DARS1: variants seen among roughly 807,000 people sequenced by gnomAD.
DARS1 encodes the protein aspartate--tRNA ligase, cytoplasmic.
DARS1 carries 51 observed loss-of-function variants against 68.8 expected under a neutral mutation model. The ratio of observed to expected loss-of-function variants is 0.74; its 90% CI spans 0.59 to 0.94. The LOEUF (loss-of-function observed/expected upper bound fraction) is 0.94. DARS1 is among the 40% of genes least tolerant of loss of function. The probability of loss-of-function intolerance (pLI) is 0.00; values close to 1 mark genes in which losing one functional copy is unlikely to be tolerated. For synonymous variants in DARS1, 203 were observed against 190.4 expected (o/e 1.07, Z -0.55); for missense variants, 607 against 597.3 (o/e 1.02, Z -0.17).
intron 2 of DARS1, chr2:135,980,399 T>C (rs1057061703): frequency 8.5e-5 from 13 of 152,216 alleles, no homozygotes; most frequent in African/African-American, 3.1e-4. Flanking sequence ...TTTTGAGACA[T>C]AAAGTCAAAT....
intron 4 of DARS1, 103 bp from the exon 5 acceptor site, chr2:135,943,583 T>A: frequency 6.7e-7 from 1 of 1,498,982 alleles, no homozygotes; most frequent in African/African-American, 1.4e-5. Context: ...TCTTTTTTAA[T>A]ACAGTAAGCC....
At chr2:135,950,303 C>G (rs1212395559) in intron 4 of DARS1, among the ~76,000 whole-genome samples, 1 of 152,178 alleles carries the variant, frequency 6.6e-6, no homozygotes, top group Non-Finnish European at 1.5e-5. Flanking sequence ...AACAACTGAT[C>G]TAAGACAGAA....
chr2:135,917,571 G>T (rs1302020864), intron 10 of DARS1, among the ~76,000 whole-genome samples: 1 of 151,920 alleles, frequency 6.6e-6, no homozygotes, highest in African/African-American at 2.4e-5. Flanking sequence ...GGCCTTCTGG[G>T]CTTAATCGAT....
At chr2:135,961,051 GGGAGGGAGGGAA>G (rs1682089125) in intron 4 of DARS1, among the ~76,000 whole-genome samples, 2 of 152,014 alleles carry the variant, frequency 1.3e-5, no homozygotes, top group South Asian at 4.2e-4. Context: ...CTCAAACTGG[GGGAGGGAGGGAA>G]GGAGGGAGGA....
At chr2:135,972,330 G>A (rs1418207105) in intron 3 of DARS1, among the ~76,000 whole-genome samples, 1 of 152,098 alleles carries the variant, frequency 6.6e-6, no homozygotes, top group Non-Finnish European at 1.5e-5. Flanking sequence ...ATACATGGGG[G>A]AAAATAGTCT....
At chr2:135,981,462 A>T (rs1475726892) in intron 2 of DARS1, among the ~76,000 whole-genome samples, 1 of 152,200 alleles carries the variant, frequency 6.6e-6, no homozygotes, top group Non-Finnish European at 1.5e-5. Flanking sequence ...GAGTGCTGAC[A>T]TGATGGTCAA....
At chr2:135,967,404 C>T (rs80095420) in intron 3 of DARS1, among the ~76,000 whole-genome samples, 4,788 of 152,118 alleles carry the variant, frequency 0.031, 187 homozygotes, top group African/African-American at 0.096. Context: ...CCACATGGTA[C>T]GTATAAAATT....
At chr2:135,985,674 C>A (rs1488593734), upstream of DARS1, 16 of 1,308,450 alleles carry the variant, frequency 1.2e-5, no homozygotes, top group Non-Finnish European at 1.6e-5. Flanking sequence ...GGCGGCCGCG[C>A]GCAGGGTCTC....
intron 4 of DARS1, among the ~76,000 whole-genome samples, chr2:135,943,708 TAAA>T (rs1323465335): frequency 6.6e-6 from 1 of 152,206 alleles, no homozygotes; most frequent in African/African-American, 2.4e-5. Flanking sequence ...TTACCACTTA[TAAA>T]ATACTCTGGA....
At chr2:135,933,767 G>A in intron 6 of DARS1, 143 bp downstream of exon 6, 1 of 1,262,992 alleles carries the variant, frequency 7.9e-7, no homozygotes, top group African/African-American at 1.5e-5. Context: ...CAAAAGGTTT[G>A]AGAATTGCTG....
At chr2:135,933,454 T>C (rs1681397029) in intron 6 of DARS1, among the ~76,000 whole-genome samples, 1 of 152,188 alleles carries the variant, frequency 6.6e-6, no homozygotes, top group East Asian at 1.9e-4. Flanking sequence ...CAGAATGTCA[T>C]CCGAAGGATG....
chr2:135,926,503 T>C (rs1162603745), intron 7 of DARS1, among the ~76,000 whole-genome samples: 1 of 152,168 alleles, frequency 6.6e-6, no homozygotes, highest in Non-Finnish European at 1.5e-5. Context: ...CACCTAGGAT[T>C]TACATACTGG....
rs141376561 is a variant in DARS1 at position 135,967,201 on chromosome 2, T to C, written c.218-5703A>G. 5.9e-5 allele frequency among the ~76,000 whole-genome samples: 9 copies of C among 152,330 alleles called. No homozygotes were observed. In the East Asian group the frequency reaches 9.6e-4, roughly 16 times the overall value. Reference sequence around the variant, plus strand: ...ACCTTAACTTCCTAATATCCAACCTTAATATTTTCCTTCATGATTTGTATT... The same window carrying C: ...ACCTTAACTTCCTAATATCCAACCTCAATATTTTCCTTCATGATTTGTATT... On this transcript the variant is annotated intron_variant, in intron 3 of 15. Transcript: ENST00000264161.
At chr2:135,946,943 G>A (rs775034348) in intron 4 of DARS1, among the ~76,000 whole-genome samples, 5 of 152,000 alleles carry the variant, frequency 3.3e-5, no homozygotes, top group Non-Finnish European at 5.9e-5. Flanking sequence ...CACCACGCCC[G>A]GCTAATTTCT....
chr2:135,959,450 C>T (rs1264060883), intron 4 of DARS1, among the ~76,000 whole-genome samples: 1 of 135,410 alleles, frequency 7.4e-6, no homozygotes, highest in Non-Finnish European at 1.5e-5. Flanking sequence ...CGTATATCAT[C>T]CCATTTGGAT....
At chr2:135,954,375 C>T (rs1168461207) in intron 4 of DARS1, among the ~76,000 whole-genome samples, 2 of 150,200 alleles carry the variant, frequency 1.3e-5, no homozygotes, top group African/African-American at 4.9e-5. Context: ...ACCTCCTCTC[C>T]GCCCCAAAAC....
Position 135,944,463 on chromosome 2 carries a change from A to G in DARS1, c.321-983T>C, listed in dbSNP as rs1428530892. Among the ~76,000 whole-genome samples, 3 of 152,208 alleles carry G rather than the reference A, an allele frequency of 2.0e-5. No homozygotes were observed. The East Asian group carries it at 5.8e-4, about 29-fold the overall frequency. ...ACAAGAGAACACCAGAATCCATTTC[A>G]ATGAAAAAGGATCAAAATGAGGATA... On this transcript the variant is annotated intron_variant, in intron 4 of 15. Transcript: ENST00000264161.
intron 3 of DARS1, among the ~76,000 whole-genome samples, chr2:135,961,814 A>G (rs1322348928): frequency 6.6e-6 from 1 of 152,246 alleles, no homozygotes. Flanking sequence ...GATTTATTAA[A>G]CAAATTTCAA....
intron 4 of DARS1, among the ~76,000 whole-genome samples, chr2:135,958,026 A>G (rs1682016615): frequency 6.6e-6 from 1 of 152,196 alleles, no homozygotes; most frequent in South Asian, 2.1e-4. Flanking sequence ...TCTGACTTCA[A>G]TACTAGTAAT....
Sources: allele counts gnomAD v4.1 joint callset (sites outside exome capture counted in the v4.1 genomes callset), GRCh38; gene constraint gnomAD v4.1.1; transcripts MANE v1.5; gene names NCBI Gene and HGNC (gene_info 2026-07-23, HGNC 2026-07-21).